CEP131: variants seen among roughly 807,000 people sequenced by gnomAD.
CEP131 encodes the protein centrosomal protein of 131 kDa.
In CEP131, 99 loss-of-function variants were observed where a neutral mutation model predicts 136.8. That is an observed-to-expected ratio of 0.72 (90% CI 0.62 to 0.86). The LOEUF is 0.86. Ranked by LOEUF, CEP131 falls within the 40% of genes least tolerant of loss-of-function variation. The pLI is 0.00. For synonymous variants in CEP131, 646 were observed against 612.7 expected, an observed-to-expected ratio of 1.05 and a Z score of -0.80; for missense variants, 1,459 against 1,463.0, an observed-to-expected ratio of 1.00 and a Z score of 0.04.
At chr17:81,204,174 G>A (rs2659030) in intron 5 of CEP131, 56,366 of 152,716 alleles carry the variant, frequency 0.37, 12,994 homozygotes, top group East Asian at 0.64. Context: ...GGCAGGTCCC[G>A]TGCCCCCACG....
At chr17:81,209,157 T>C in intron 2 of CEP131, 135 bp from the exon 3 acceptor site, 1 of 661,432 alleles carries the variant, frequency 1.5e-6, no homozygotes, top group Non-Finnish European at 2.6e-6. Context: ...CCAAGTGGCC[T>C]CAAAGGCAGT....
At chr17:81,191,458 C>T (rs905282659) in intron 21 of CEP131, 123 bp from the exon 22 acceptor site, 3 of 865,928 alleles carry the variant, frequency 3.5e-6, no homozygotes, top group Non-Finnish European at 5.5e-6. Context: ...GGCCTTCCCC[C>T]TCTCCAGACC....
In CEP131 at chr17:81,198,285, G is replaced by A. The variant is rs1399710469; in HGVS notation, c.1300C>T (p.Gln434Ter). The change falls in exon 12 of 26, where the codon CAG (glutamine) becomes TAG (stop). Residue 434 changes from glutamine (Q) to a stop codon, truncating the protein, a stop_gained. Transcript: ENST00000450824. LOFTEE classifies it high-confidence loss of function. ...TCCAGGTTGTCCCCAGCTGCATCCTGGGCAAGAACGTCCTGCAAAAGAGCA... is the reference window on the plus strand; with the variant it reads ...TCCAGGTTGTCCCCAGCTGCATCCTAGGCAAGAACGTCCTGCAAAAGAGCA... The part of the protein sequence containing the change: ...PEDRTQDVLA[Q>*]DAAGDNLEMM... 9.4e-6 allele frequency: 15 copies of A among 1,599,948 alleles called. No homozygotes were observed. Among genetic ancestry groups the A allele is most frequent in the Non-Finnish European group, 1.3e-5 (15 of 1,173,028 alleles).
rs1209934432 is a variant in CEP131 at position 81,189,897 on chromosome 17, C to G, written c.3168+18G>C. On this transcript the variant is annotated intron_variant, in intron 25 of 25. Coordinates refer to ENST00000450824, the MANE Select transcript of CEP131 (RefSeq NM_014984.4). The stretch of plus-strand genomic sequence containing the variant: ...CTCCCAGCCCCGAGGTCCAGCAGGG[C>G]TGGCCACAGGGACTCACCTCATGTT... The G allele has an allele frequency of 1.2e-6, 2 of 1,612,782 alleles. No individual in the cohort carries two copies. Among genetic ancestry groups the G allele is most frequent in the Admixed American group, 1.7e-5 (1 of 60,004 alleles).
intron 1 of CEP131, among the ~76,000 whole-genome samples, chr17:81,221,359 C>G (rs1463899600): frequency 6.6e-6 from 1 of 152,134 alleles, no homozygotes; most frequent in African/African-American, 2.4e-5. Context: ...CACATGGCAC[C>G]TCTTTCTGAA....
chr17:81,190,815 A>C lies in CEP131; in HGVS notation c.2944-13T>G. 1 of 1,599,632 alleles carries C rather than the reference A, an allele frequency of 6.3e-7. No homozygotes were observed. The highest frequency in any genetic ancestry group is 1.3e-5 in the African/African-American group (1 of 74,840). On this transcript the variant is annotated splice_polypyrimidine_tract_variant and intron_variant, in intron 23 of 25. Coordinates refer to ENST00000450824, the MANE Select transcript of CEP131 (RefSeq NM_014984.4). Reference sequence around the variant, plus strand: ...GCTGCTCGTTCACCTGGGTGGGCACAGAAGGCAGTGAGCCGGCTGCCAGCG... The same window carrying C: ...GCTGCTCGTTCACCTGGGTGGGCACCGAAGGCAGTGAGCCGGCTGCCAGCG...
At chr17:81,220,553 G>A (rs934725174) in intron 1 of CEP131, among the ~76,000 whole-genome samples, 4 of 152,180 alleles carry the variant, frequency 2.6e-5, no homozygotes, top group African/African-American at 9.7e-5. Context: ...GGAGTGCAGT[G>A]GCGCGATCTC....
chr17:81,190,596 C>T (rs1312477008), intron 24 of CEP131, 43 bp downstream of exon 24: 4 of 1,504,174 alleles, frequency 2.7e-6, no homozygotes, highest in South Asian at 1.3e-5. Context: ...GCCCGCTCCC[C>T]TGCCCCGCCT....
intron 1 of CEP131, among the ~76,000 whole-genome samples, chr17:81,221,631 C>A (rs2062390621): frequency 6.6e-6 from 1 of 152,198 alleles, no homozygotes; most frequent in Non-Finnish European, 1.5e-5. Flanking sequence ...CAGGACACTC[C>A]CTCCCTGCAC....
chr17:81,194,225 C>A, intron 17 of CEP131, 98 bp from the exon 18 acceptor site: 1 of 1,168,444 alleles, frequency 8.6e-7, no homozygotes, highest in South Asian at 1.8e-5. Flanking sequence ...CCAGAGGGGA[C>A]CCCGCCCACC....
intron 2 of CEP131, among the ~76,000 whole-genome samples, chr17:81,210,677 G>A (rs1035091222): frequency 2.0e-5 from 3 of 152,132 alleles, no homozygotes; most frequent in Non-Finnish European, 4.4e-5. Context: ...ATGCCACGGC[G>A]ACCAGTGATA....
rs770223684 is a variant in CEP131, at chr17:81,202,316, G to A, written c.712C>T (p.His238Tyr). 6.2e-7 allele frequency: 1 copy of A among 1,613,550 alleles called. No individual in the cohort carries two copies. Among genetic ancestry groups the A allele is most frequent in the African/African-American group, 1.3e-5 (1 of 74,890 alleles). ...CCCCCAGTATTGTTCCGGGCTGAGT[G>A]GGTGGCACTGGAGACATTCTTCGGC... ...KLPKNVSSAT[H>Y]SARNNTGGST... Residue 238 changes from histidine (H) to tyrosine (Y), a missense_variant, in exon 7 of 26, where the codon CAC (histidine) becomes TAC (tyrosine). His to Tyr is a moderately conservative substitution (Grantham distance 83). Coordinates refer to ENST00000450824, the MANE Select transcript of CEP131 (RefSeq NM_014984.4).
intron 16 of CEP131, 48 bp downstream of exon 16, chr17:81,195,787 C>T: frequency 2.0e-6 from 3 of 1,533,132 alleles, no homozygotes; most frequent in South Asian, 1.1e-5. Context: ...CTGAGCCTGG[C>T]CTGTGAGCCG....
At chr17:81,193,365 A>G (rs1474018489) in intron 18 of CEP131, among the ~76,000 whole-genome samples, 2 of 152,186 alleles carry the variant, frequency 1.3e-5, no homozygotes, top group African/African-American at 2.4e-5. Context: ...GACAGGCAAC[A>G]GGGTGGATAG....
intron 15 of CEP131, 117 bp from the exon 16 acceptor site, chr17:81,196,068 G>A: frequency 2.5e-6 from 2 of 800,174 alleles, no homozygotes; most frequent in Non-Finnish European, 4.0e-6. Flanking sequence ...CCCTGGGGCT[G>A]CCCCTCCTAG....
intron 1 of CEP131, among the ~76,000 whole-genome samples, chr17:81,221,978 GCTGACC>G (rs953324460): frequency 4.3e-4 from 66 of 152,132 alleles, no homozygotes; most frequent in African/African-American, 1.5e-3. Context: ...CTCCCTAGAG[GCTGACC>G]CTGCCACTGA....
At position 81,194,127 on chromosome 17, in the gene CEP131, C is replaced by T; in HGVS notation, c.2120G>A (p.Gly707Asp). 1 of 1,521,366 alleles carries T rather than the reference C, an allele frequency of 6.6e-7. No homozygotes were observed. Among genetic ancestry groups the T allele is most frequent in the Non-Finnish European group, 8.8e-7 (1 of 1,136,266 alleles). 94.2% of individuals were successfully genotyped at this position (1,521,366 alleles called of 1,614,324 possible). A position where few individuals can be genotyped will look rare whatever the true frequency, so the allele number is the denominator to read the frequency against. The part of the protein sequence containing the change: ...TKKIKEVTVR[G>D]LEPEIQKLIA... ...CAGCTTCTGGATCTCGGGCTCCAGACCTGGGGGCGGGGCACCAGCTAGGGC... is the reference window on the plus strand; with the variant it reads ...CAGCTTCTGGATCTCGGGCTCCAGATCTGGGGGCGGGGCACCAGCTAGGGC... The change falls in exon 18 of 26, where the codon GGT becomes GAT. Residue 707 changes from glycine (G) to aspartate (D), a missense_variant and splice_region_variant. Gly to Asp is a moderately conservative substitution (Grantham distance 94). Transcript: ENST00000450824.
intron 25 of CEP131, 28 bp downstream of exon 25, chr17:81,189,887 T>A: frequency 6.2e-7 from 1 of 1,612,578 alleles, no homozygotes; most frequent in Non-Finnish European, 8.5e-7. Flanking sequence ...AGCCCCGAGG[T>A]CCAGCAGGGC....
chr17:81,212,321 CAAAAAA>C lies in CEP131; in HGVS notation c.178-3305_178-3300del, dbSNP rs71166130. The stretch of plus-strand genomic sequence containing the variant: ...TGGGCGACAGAGCAAGATTCCCTCT[CAAAAAA>C]AAAAAAAAAGAAAAGAAAAGAAAAG... On this transcript the variant is annotated intron_variant, in intron 2 of 25. Transcript: ENST00000450824. Among the ~76,000 whole-genome samples the C allele has an allele frequency of 3.0e-5, 4 of 135,094 alleles. No homozygotes were observed. The South Asian group carries it at 7.1e-4, about 24-fold the overall frequency. The allele number at this position is 135,094 out of a possible 152,430, so 88.6% of individuals were successfully genotyped here. A position where few individuals can be genotyped will look rare whatever the true frequency, so the allele number is the denominator to read the frequency against.
Sources: allele counts gnomAD v4.1 joint callset (sites outside exome capture counted in the v4.1 genomes callset), GRCh38; gene constraint gnomAD v4.1.1; transcripts MANE v1.5; gene names NCBI Gene and HGNC (gene_info 2026-07-23, HGNC 2026-07-21).